The following SEC61A2 variants were observed in gnomAD, a reference collection of about 807,000 sequenced individuals.
The protein encoded by SEC61A2 is protein transport protein Sec61 subunit alpha isoform 2.
A neutral mutation model predicts 59.9 loss-of-function variants in SEC61A2; 28 were observed. That is an observed-to-expected ratio of 0.47 (90% CI 0.35 to 0.64). The LOEUF (loss-of-function observed/expected upper bound fraction) is 0.64. Among genes scored for constraint, SEC61A2 ranks in the 30% least tolerant of loss-of-function variants. The pLI, the probability that SEC61A2 is intolerant of heterozygous loss-of-function variation, is 0.01. For missense variants in SEC61A2, 340 were observed against 585.9 expected (o/e 0.58, Z 4.33); for synonymous variants, 202 against 214.4 (o/e 0.94, Z 0.50).
chr10:12,138,723 G>A (rs958129000), intron 3 of SEC61A2, among the ~76,000 whole-genome samples: 33 of 152,278 alleles, frequency 2.2e-4, no homozygotes, highest in Admixed American at 2.0e-3. Context: ...TCTGAATACT[G>A]TTCTGATGTT....
chr10:12,140,911 G>GT (rs981344937), intron 3 of SEC61A2, among the ~76,000 whole-genome samples: 19 of 150,298 alleles, frequency 1.3e-4, no homozygotes, highest in African/African-American at 4.2e-4. Context: ...TTTTTGTTTT[G>GT]TTTTTTGAGA....
In SEC61A2 at chr10:12,149,508, T is replaced by G; in HGVS notation, c.221-87T>G. On this transcript the variant is annotated intron_variant, in intron 4 of 11. Coordinates refer to ENST00000298428, the MANE Select transcript of SEC61A2 (RefSeq NM_018144.4). The surrounding 1 kb of genome is among the most constrained non-coding windows in gnomAD (Gnocchi z 5.2). ...GTTAAAATTTTCACGTGTGTTTCAGTTGAGGTAATTAGGGAGTGCGACACC... is the reference window on the plus strand; with the variant it reads ...GTTAAAATTTTCACGTGTGTTTCAGGTGAGGTAATTAGGGAGTGCGACACC... The G allele has an allele frequency of 3.9e-6, 5 of 1,291,752 alleles. No individual in the cohort carries two copies. The highest frequency in any genetic ancestry group is 5.3e-6 in the Non-Finnish European group (5 of 942,218). 80.0% of individuals were successfully genotyped at this position (1,291,752 alleles called of 1,614,324 possible).
intron 4 of SEC61A2, among the ~76,000 whole-genome samples, chr10:12,146,694 T>A (rs1834145604): frequency 6.6e-6 from 1 of 151,742 alleles, no homozygotes; most frequent in African/African-American, 2.4e-5. Flanking sequence ...ATTTTTTGTA[T>A]TTTTTAGTAC....
chr10:12,129,749 G>T lies in SEC61A2; in HGVS notation c.-39G>T. 6.7e-7 allele frequency: 1 copy of T among 1,487,412 alleles called. No homozygotes were observed. The allele number at this position is 1,487,412 out of a possible 1,614,324, so 92.1% of individuals were successfully genotyped here. A position where few individuals can be genotyped will look rare whatever the true frequency, so the allele number is the denominator to read the frequency against. On this transcript the variant is annotated 5_prime_UTR_variant, in exon 1 of 12. Transcript: ENST00000298428. This position sits in a 1 kb window ranked among gnomAD's most constrained non-coding sequence, Gnocchi z 5.6. ...GCGGGAGTCGAGCGAAGGCAGCGCC[G>T]AGGCCGCGGTTTCCCCCTGGGCCTC... is the stretch of plus-strand genomic sequence containing the variant.
intron 1 of SEC61A2, among the ~76,000 whole-genome samples, chr10:12,132,729 C>G (rs1833787336): frequency 6.6e-6 from 1 of 152,152 alleles, no homozygotes; most frequent in South Asian, 2.1e-4. Flanking sequence ...GCCCATTTGC[C>G]GTTGTGCTTC....
chr10:12,167,742 G>C (rs753393749), downstream of SEC61A2: 1 of 1,614,130 alleles, frequency 6.2e-7, no homozygotes. Flanking sequence ...CTTTGCATTT[G>C]CATGTTTCAG....
chr10:12,162,454 C>G lies in SEC61A2; in HGVS notation c.1244+165C>G, dbSNP rs1465230662. 1.3e-6 allele frequency: 1 copy of G among 769,178 alleles called. No individual in the cohort carries two copies. Among genetic ancestry groups the G allele is most frequent in the Admixed American group, 1.7e-5 (1 of 58,620 alleles). The allele number at this position is 769,178 out of a possible 1,614,324, so 47.6% of individuals were successfully genotyped here. ...TTGTTTTCCATGTCAAAACCAACAC[C>G]TGAATTTTTCATTGAAATTGTGAGC... is the stretch of plus-strand genomic sequence containing the variant. On this transcript the variant is annotated intron_variant, in intron 11 of 11. Transcript: ENST00000298428. The surrounding 1 kb of genome is among the most constrained non-coding windows in gnomAD (Gnocchi z 6.1).
downstream of SEC61A2, chr10:12,169,389 C>A: frequency 9.0e-7 from 1 of 1,108,642 alleles, no homozygotes; most frequent in South Asian, 1.5e-5. The surrounding 1 kb of genome is among the most constrained non-coding windows in gnomAD (Gnocchi z 4.8). Flanking sequence ...CGCACCTCCT[C>A]AGAGGGAGGG....
At chr10:12,165,707 C>T (rs1834658971), downstream of SEC61A2, 1 of 152,202 alleles carries the variant, frequency 6.6e-6, no homozygotes, top group Non-Finnish European at 1.5e-5. Context: ...TTTTAAAAGA[C>T]ACCCTTTTCA....
chr10:12,147,753 G>C (rs1454781525), intron 4 of SEC61A2, among the ~76,000 whole-genome samples: 2 of 151,790 alleles, frequency 1.3e-5, no homozygotes, highest in East Asian at 3.9e-4. Context: ...ATGAGGTAAG[G>C]AATCTAGGTT....
At position 12,157,049 on chromosome 10, in the gene SEC61A2, T is replaced by C; in HGVS notation, c.759T>C (p.Ala253=). The change falls in exon 8 of 12, where the codon GCT becomes GCC. Residue 253 remains alanine (A), a synonymous_variant. Transcript: ENST00000298428. ...MNLIATVFVF[A]VVIYFQGFRV... Reference sequence around the variant, plus strand: ...TCATTGCTACAGTTTTTGTGTTTGCTGTTGTTATATATTTCCAAGTAAGTA... The same window carrying C: ...TCATTGCTACAGTTTTTGTGTTTGCCGTTGTTATATATTTCCAAGTAAGTA... 6.2e-7 allele frequency: 1 copy of C among 1,614,030 alleles called. No individual in the cohort carries two copies. The highest frequency in any genetic ancestry group is 8.5e-7 in the Non-Finnish European group (1 of 1,179,986).
At position 12,145,252 on chromosome 10, in the gene SEC61A2, C is replaced by A. The variant is rs1009279181; in HGVS notation, c.220+2057C>A. 3.3e-5 allele frequency among the ~76,000 whole-genome samples: 5 copies of A among 151,986 alleles called. No individual in the cohort carries two copies. Among genetic ancestry groups the A allele is most frequent in the African/African-American group, 1.2e-4 (5 of 41,472 alleles). On this transcript the variant is annotated intron_variant, in intron 4 of 11. Transcript: ENST00000298428. This position sits in a 1 kb window ranked among gnomAD's most constrained non-coding sequence, Gnocchi z 4.4. ...TCTTGTCATATATTACGTTTTTTTC[C>A]CCCCGATTTTATATCATTATAAAGA...
In SEC61A2 at chr10:12,153,458, A is replaced by T. The variant is rs933349250; in HGVS notation, c.463-2320A>T. The stretch of plus-strand genomic sequence containing the variant: ...AAGGAATCTCCACTGAGCGATTCTC[A>T]GCCAGCTAGCTACAGGATTGACTTC... On this transcript the variant is annotated intron_variant, in intron 6 of 11. Coordinates refer to ENST00000298428, the MANE Select transcript of SEC61A2 (RefSeq NM_018144.4). The surrounding 1 kb of genome is among the most constrained non-coding windows in gnomAD (Gnocchi z 5.2). Among the ~76,000 whole-genome samples, 1 of 152,218 alleles carries T rather than the reference A, an allele frequency of 6.6e-6. No individual in the cohort carries two copies. The highest frequency in any genetic ancestry group is 6.5e-5 in the Admixed American group (1 of 15,274).
chr10:12,142,801 C>A lies in SEC61A2; in HGVS notation c.142-316C>A, dbSNP rs149994233. Among the ~76,000 whole-genome samples the A allele has an allele frequency of 1.0e-3, 154 of 151,904 alleles. No homozygotes were observed. In the Middle Eastern group the frequency reaches 0.01, roughly 10 times the overall value. On this transcript the variant is annotated intron_variant, in intron 3 of 11. Transcript: ENST00000298428. This position sits in a 1 kb window ranked among gnomAD's most constrained non-coding sequence, Gnocchi z 5.4. Reference sequence around the variant, plus strand: ...TTCTTTTAATTATTTTTTTTATTAACCCTTATCTATGTGATGGAATGTTTT... The same window carrying A: ...TTCTTTTAATTATTTTTTTTATTAAACCTTATCTATGTGATGGAATGTTTT...
At position 12,161,256 on chromosome 10, in the gene SEC61A2, T is replaced by C; in HGVS notation, c.1167+135T>C. 1.6e-6 allele frequency: 1 copy of C among 629,146 alleles called. No homozygotes were observed. Among genetic ancestry groups the C allele is most frequent in the South Asian group, 2.4e-5 (1 of 41,924 alleles). The allele number at this position is 629,146 out of a possible 1,614,324, so 39.0% of individuals were successfully genotyped here. ...AGTTTTGAGACCAGCCTGGGCAACA[T>C]AGCGAGACCCCGTCATGACTAAAAA... On this transcript the variant is annotated intron_variant, in intron 10 of 11. Transcript: ENST00000298428. This position sits in a 1 kb window ranked among gnomAD's most constrained non-coding sequence, Gnocchi z 5.4.
intron 6 of SEC61A2, among the ~76,000 whole-genome samples, chr10:12,151,680 A>G (rs982010480): frequency 2.0e-5 from 3 of 152,124 alleles, no homozygotes; most frequent in Admixed American, 6.6e-5. Flanking sequence ...AATCTCAAAT[A>G]CCAGTTTATT....
chr10:12,132,122 G>A (rs1326094047), intron 1 of SEC61A2, among the ~76,000 whole-genome samples: 4 of 150,494 alleles, frequency 2.7e-5, no homozygotes, highest in Non-Finnish European at 5.9e-5. Context: ...CCAACATGGT[G>A]AAACCCCGGC....
chr10:12,137,380 T>C (rs186397663), intron 3 of SEC61A2, among the ~76,000 whole-genome samples: 63 of 152,234 alleles, frequency 4.1e-4, no homozygotes, highest in Admixed American at 4.6e-4. Flanking sequence ...CAGTGATCAC[T>C]TCAGCCTTGA....
In SEC61A2 at chr10:12,161,063, G is replaced by T. The variant is rs747030205; in HGVS notation, c.1109G>T (p.Gly370Val). 1.2e-6 allele frequency: 2 copies of T among 1,613,910 alleles called. No homozygotes were observed. The highest frequency in any genetic ancestry group is 1.7e-6 in the Non-Finnish European group (2 of 1,179,896). Reference protein sequence around the residue: ...HVVVYIIFMLGSCAFFSKTWI... With the variant: ...HVVVYIIFMLVSCAFFSKTWI... ...GTTGTTTATATCATCTTCATGTTGG[G>T]GTCATGTGCATTCTTCTCTAAGACA... The change falls in exon 10 of 12, where the codon GGG becomes GTG. Residue 370 changes from glycine to valine, a missense_variant. Gly to Val is a moderately radical substitution (Grantham distance 109, BLOSUM62 -3). Around this residue, in one of 3 missense-constraint regions of SEC61A2, gnomAD observed 283 missense variants for 483.2 expected, o/e 0.59. Transcript: ENST00000298428. This position sits in a 1 kb window ranked among gnomAD's most constrained non-coding sequence, Gnocchi z 5.4.
Sources: gnomAD v4.1 joint callset for allele counts (sites outside exome capture counted in the v4.1 genomes callset) on GRCh38, gnomAD v4.1.1 for gene constraint, gnomAD v4.1.1 regional missense constraint, Gnocchi (gnomAD v3.1) non-coding constraint, MANE v1.5 for transcripts, NCBI Gene and HGNC (gene_info 2026-07-23, HGNC 2026-07-21) for gene names.